PCDH15: variants seen among roughly 807,000 people sequenced by gnomAD.
The protein encoded by PCDH15 is protocadherin related 15, also known as protocadherin-15.
A neutral mutation model predicts 178.5 loss-of-function variants in PCDH15; 129 were observed. That is an observed-to-expected ratio of 0.72 (90% CI 0.63 to 0.84). The LOEUF is 0.84. Ranked by LOEUF, PCDH15 falls within the 40% of genes least tolerant of loss-of-function variation. The pLI is 0.00. For missense variants in PCDH15, 2,230 were observed against 2,099.9 expected (o/e 1.06, Z -1.21); for synonymous variants, 800 against 732.0 (o/e 1.09, Z -1.50).
intron 8 of PCDH15, among the ~76,000 whole-genome samples, chr10:54,247,216 G>A (rs2056031533): frequency 6.6e-6 from 1 of 151,802 alleles, no homozygotes; most frequent in South Asian, 2.1e-4. Context: ...AATGTATGAA[G>A]TATAGACAAT....
intron 1 of PCDH15, among the ~76,000 whole-genome samples, chr10:55,217,448 C>G (rs187319535): frequency 6.6e-6 from 1 of 151,850 alleles, no homozygotes; most frequent in Admixed American, 6.6e-5. Flanking sequence ...TTTATATTTT[C>G]TATTTTTTAT....
At chr10:55,195,295 T>C (rs1840056684) in intron 1 of PCDH15, among the ~76,000 whole-genome samples, 1 of 151,588 alleles carries the variant, frequency 6.6e-6, no homozygotes, top group African/African-American at 2.4e-5. Context: ...AGTGCTGGGA[T>C]TACAGGCATG....
At chr10:55,199,262 G>T (rs1840176073) in intron 1 of PCDH15, among the ~76,000 whole-genome samples, 1 of 152,090 alleles carries the variant, frequency 6.6e-6, no homozygotes, top group Admixed American at 6.5e-5. Flanking sequence ...AAGTTATTGG[G>T]AAACGGAGCA....
intron 5 of PCDH15, among the ~76,000 whole-genome samples, chr10:54,352,996 A>G (rs1275760302): frequency 6.6e-6 from 1 of 152,168 alleles, no homozygotes; most frequent in Non-Finnish European, 1.5e-5. Flanking sequence ...AAGATTCTCC[A>G]CACATGAAAT....
chr10:54,462,046 T>C (rs556202417), intron 3 of PCDH15, among the ~76,000 whole-genome samples: 8 of 152,214 alleles, frequency 5.3e-5, no homozygotes, highest in African/African-American at 1.9e-4. Flanking sequence ...TGAGTTGAGA[T>C]AGTCAATGCA....
At chr10:55,585,330 T>C (rs933080953) in intron 2 of PCDH15, among the ~76,000 whole-genome samples, 2 of 152,154 alleles carry the variant, frequency 1.3e-5, no homozygotes, top group African/African-American at 2.4e-5. Context: ...CAGAACACTA[T>C]AAACACTTTT....
intron 20 of PCDH15, among the ~76,000 whole-genome samples, chr10:54,006,351 C>T (rs1167264069): frequency 6.6e-6 from 1 of 152,182 alleles, no homozygotes; most frequent in Non-Finnish European, 1.5e-5. Flanking sequence ...TCAAAGCAAC[C>T]CCAACAGAAC....
chr10:54,136,235 A>G (rs2042889710), intron 14 of PCDH15, among the ~76,000 whole-genome samples: 1 of 152,140 alleles, frequency 6.6e-6, no homozygotes, highest in South Asian at 2.1e-4. Context: ...CCAAAGTTCT[A>G]CTTATAGAAA....
At chr10:55,318,537 A>C (rs560522840) in intron 1 of PCDH15, among the ~76,000 whole-genome samples, 1 of 152,158 alleles carries the variant, frequency 6.6e-6, no homozygotes, top group Non-Finnish European at 1.5e-5. Context: ...AGAGGAAAAA[A>C]CGTGGTCTGG....
At chr10:54,573,670 T>A (rs2090108803) in intron 2 of PCDH15, among the ~76,000 whole-genome samples, 1 of 140,428 alleles carries the variant, frequency 7.1e-6, no homozygotes, top group Non-Finnish European at 1.5e-5. Context: ...AATGTCTAGG[T>A]CACAGCTTCT....
chr10:54,284,519 G>C (rs986850867), intron 8 of PCDH15, among the ~76,000 whole-genome samples: 1 of 152,272 alleles, frequency 6.6e-6, no homozygotes, highest in African/African-American at 2.4e-5. Flanking sequence ...TGAGGAATTC[G>C]TTAGTCTATC....
At chr10:54,215,892 A>C (rs1343973040) in intron 9 of PCDH15, among the ~76,000 whole-genome samples, 2 of 151,674 alleles carry the variant, frequency 1.3e-5, no homozygotes, top group Admixed American at 1.3e-4. Flanking sequence ...AAAATACAAA[A>C]AATTAGCCAG....
chr10:54,198,702 C>T (rs2049933854), intron 10 of PCDH15, among the ~76,000 whole-genome samples: 1 of 96,324 alleles, frequency 1.0e-5, no homozygotes, highest in African/African-American at 8.4e-5. Flanking sequence ...GGGGTTTCAC[C>T]GTTTTAGCCG....
At chr10:54,648,605 A>T (rs1277527365) in intron 2 of PCDH15, among the ~76,000 whole-genome samples, 1 of 152,164 alleles carries the variant, frequency 6.6e-6, no homozygotes, top group African/African-American at 2.4e-5. Context: ...TATCTATAAA[A>T]TACAATGTGT....
intron 1 of PCDH15, among the ~76,000 whole-genome samples, chr10:54,775,943 A>G (rs1268570615): frequency 6.6e-6 from 1 of 151,794 alleles, no homozygotes; most frequent in East Asian, 1.9e-4. Context: ...TTTCCCTCTA[A>G]CCTTTCCAGC....
intron 5 of PCDH15, among the ~76,000 whole-genome samples, chr10:54,366,251 CT>C (rs1431384309): frequency 1.3e-5 from 2 of 151,984 alleles, no homozygotes; most frequent in Non-Finnish European, 2.9e-5. Context: ...TTATACCTGT[CT>C]TTTGTATTTT....
At chr10:54,536,290 T>C (rs538369409) in intron 2 of PCDH15, among the ~76,000 whole-genome samples, 1 of 152,290 alleles carries the variant, frequency 6.6e-6, no homozygotes, top group East Asian at 1.9e-4. Context: ...CATATGGAAA[T>C]GCTTTCTATG....
intron 2 of PCDH15, among the ~76,000 whole-genome samples, chr10:54,954,566 T>G (rs1015058790): frequency 2.6e-5 from 4 of 151,306 alleles, no homozygotes; most frequent in Non-Finnish European, 3.0e-5. Flanking sequence ...TGCCCTGACC[T>G]CTACAGTTAT....
chr10:55,419,803 T>C (rs7911704), intron 2 of PCDH15, among the ~76,000 whole-genome samples: 78,161 of 151,306 alleles, frequency 0.52, 21,772 homozygotes, highest in African/African-American at 0.68. Context: ...ATCACATTGG[T>C]CTGCAAAGAT....
Sources: gnomAD v4.1 joint callset for allele counts (sites outside exome capture counted in the v4.1 genomes callset) on GRCh38, gnomAD v4.1.1 for gene constraint, MANE v1.5 for transcripts, NCBI Gene and HGNC (gene_info 2026-07-23, HGNC 2026-07-21) for gene names.